Variants in DTNB observed in about 807,000 individuals in gnomAD.
DTNB encodes DTN-B.
A neutral mutation model predicts 90.7 loss-of-function variants in DTNB; 63 were observed. That is an observed-to-expected ratio of 0.69 (90% CI 0.57 to 0.86). DTNB has a LOEUF of 0.86. DTNB is among the 40% of genes least tolerant of loss of function. The probability of loss-of-function intolerance (pLI) is 0.00; values close to 1 mark genes in which losing one functional copy is unlikely to be tolerated. For missense variants in DTNB, 744 were observed against 807.1 expected (o/e 0.92, Z 0.95); for synonymous variants, 277 against 286.7 (o/e 0.97, Z 0.34).
At chr2:25,382,356 G>C (rs754397732) in intron 19 of DTNB, among the ~76,000 whole-genome samples, 2 of 152,122 alleles carry the variant, frequency 1.3e-5, no homozygotes, top group African/African-American at 2.4e-5. Context: ...GCCTTGAGGA[G>C]CTGATGTTTA....
At chr2:25,574,279 G>A (rs2060324815) in intron 8 of DTNB, among the ~76,000 whole-genome samples, 2 of 152,128 alleles carry the variant, frequency 1.3e-5, no homozygotes, top group Admixed American at 1.3e-4. Context: ...CCTCTTACAG[G>A]ACCTGGCACA....
At chr2:25,628,491 A>G (rs1399759381) in intron 3 of DTNB, 107 bp from the exon 4 acceptor site, 1 of 1,053,820 alleles carries the variant, frequency 9.5e-7, no homozygotes. Flanking sequence ...AAGAGAAGAA[A>G]CTCTTTAGCC....
At chr2:25,604,788 C>T (rs1559201532) in intron 5 of DTNB, among the ~76,000 whole-genome samples, 1 of 152,132 alleles carries the variant, frequency 6.6e-6, no homozygotes, top group Non-Finnish European at 1.5e-5. Flanking sequence ...CAAGGTTTCA[C>T]CATGTTGGCC....
At chr2:25,599,892 T>G (rs972391532) in intron 5 of DTNB, among the ~76,000 whole-genome samples, 3 of 151,544 alleles carry the variant, frequency 2.0e-5, no homozygotes, top group African/African-American at 7.3e-5. Context: ...AGCCCAGGAG[T>G]TCAAGGCCAG....
At chr2:25,418,641 G>A (rs149994717) in intron 16 of DTNB, among the ~76,000 whole-genome samples, 1,614 of 151,792 alleles carry the variant, frequency 0.011, 43 homozygotes, top group African/African-American at 0.037. Context: ...GGAGGTTGCA[G>A]TGAGCCGAGA....
intron 16 of DTNB, among the ~76,000 whole-genome samples, chr2:25,411,447 C>T (rs973200848): frequency 6.6e-5 from 10 of 152,056 alleles, no homozygotes; most frequent in Non-Finnish European, 1.3e-4. Flanking sequence ...CAACAAACTG[C>T]CAGGTCCCTA....
intron 4 of DTNB, among the ~76,000 whole-genome samples, chr2:25,626,830 A>G (rs1467108044): frequency 6.6e-6 from 1 of 152,250 alleles, no homozygotes; most frequent in Non-Finnish European, 1.5e-5. Flanking sequence ...AAAATGAAGC[A>G]GAGACAATCC....
chr2:25,600,930 G>A (rs772322147), intron 5 of DTNB, among the ~76,000 whole-genome samples: 2 of 152,146 alleles, frequency 1.3e-5, no homozygotes, highest in Non-Finnish European at 2.9e-5. Flanking sequence ...TACAATAAGA[G>A]AAGTGGAAAC....
At chr2:25,455,541 C>T in intron 10 of DTNB, 47 bp from the exon 11 acceptor site, 4 of 1,482,708 alleles carry the variant, frequency 2.7e-6, no homozygotes, top group South Asian at 1.2e-5. Context: ...CAAACACATA[C>T]AGAGGGAGAA....
chr2:25,609,594 T>C (rs1183912248), intron 4 of DTNB, among the ~76,000 whole-genome samples: 25 of 29,970 alleles, frequency 8.3e-4, no homozygotes, highest in African/African-American at 3.0e-3. Flanking sequence ...CGAAACTCTT[T>C]CAAAAAAAAA....
chr2:25,575,310 G>T (rs767880043), intron 8 of DTNB, among the ~76,000 whole-genome samples: 2 of 149,874 alleles, frequency 1.3e-5, no homozygotes, highest in African/African-American at 4.9e-5. Flanking sequence ...CTTTAAGAAA[G>T]CAAAAAGAAA....
At chr2:25,503,296 C>T (rs1205597804) in intron 9 of DTNB, among the ~76,000 whole-genome samples, 1 of 151,586 alleles carries the variant, frequency 6.6e-6, no homozygotes. Flanking sequence ...TGAGACCACA[C>T]TGGACAACAT....
intron 9 of DTNB, among the ~76,000 whole-genome samples, chr2:25,516,984 T>C (rs964738703): frequency 6.6e-6 from 1 of 152,194 alleles, no homozygotes; most frequent in Non-Finnish European, 1.5e-5. Flanking sequence ...TGAAAACATA[T>C]GTCTACAGAA....
rs1019741184 is a variant in DTNB at position 25,645,476 on chromosome 2, C to T, written c.68-6382G>A. 3.9e-4 allele frequency among the ~76,000 whole-genome samples: 60 copies of T among 152,140 alleles called. 1 individual carries two copies. Among genetic ancestry groups the T allele is most frequent in the Non-Finnish European group, 3.4e-4 (23 of 68,010 alleles). Reference sequence around the variant, plus strand: ...ATTTTTTTTTTAACAGGGTCTCACTCACCCAGGCATTGAAGTGCAGTTTCA... The same window carrying T: ...ATTTTTTTTTTAACAGGGTCTCACTTACCCAGGCATTGAAGTGCAGTTTCA... On this transcript the variant is annotated intron_variant, in intron 2 of 20. Transcript: ENST00000406818.
At chr2:25,637,480 A>G (rs1449747956) in intron 3 of DTNB, among the ~76,000 whole-genome samples, 3 of 152,256 alleles carry the variant, frequency 2.0e-5, no homozygotes, top group Non-Finnish European at 2.9e-5. Flanking sequence ...GCTAATATCC[A>G]GAATCTACAA....
At chr2:25,409,704 CCTT>C (rs1234315436) in intron 16 of DTNB, among the ~76,000 whole-genome samples, 1 of 152,168 alleles carries the variant, frequency 6.6e-6, no homozygotes, top group African/African-American at 2.4e-5. Context: ...CTAACTTCCT[CCTT>C]CTTGCAACTA....
At chr2:25,533,662 A>G (rs1406456414) in intron 8 of DTNB, among the ~76,000 whole-genome samples, 1 of 152,220 alleles carries the variant, frequency 6.6e-6, no homozygotes, top group Non-Finnish European at 1.5e-5. Context: ...ACGTTAAGTG[A>G]TAAGCTGCTC....
chr2:25,660,008 AC>A (rs1279223589), intron 1 of DTNB, among the ~76,000 whole-genome samples: 1 of 152,186 alleles, frequency 6.6e-6, no homozygotes, highest in Non-Finnish European at 1.5e-5. Flanking sequence ...TTACTACAAA[AC>A]CACAGTAATA....
intron 12 of DTNB, among the ~76,000 whole-genome samples, chr2:25,448,834 C>T (rs1164119989): frequency 1.0e-4 from 14 of 136,708 alleles, no homozygotes; most frequent in East Asian, 4.4e-4. Context: ...CCAACCTGGG[C>T]GACAGAGCAA....
Sources: gnomAD v4.1 joint callset for allele counts (sites outside exome capture counted in the v4.1 genomes callset) on GRCh38, gnomAD v4.1.1 for gene constraint, MANE v1.5 for transcripts, NCBI Gene and HGNC (gene_info 2026-07-23, HGNC 2026-07-21) for gene names.